PCDHGA1: variants seen among roughly 807,000 people sequenced by gnomAD.
PCDHGA1 encodes protocadherin gamma-A1.
In PCDHGA1, 32 loss-of-function variants were observed where a neutral mutation model predicts 58.0. That is an observed-to-expected ratio of 0.55 (90% CI 0.42 to 0.74). PCDHGA1 has a LOEUF of 0.74. Ranked by LOEUF, PCDHGA1 falls within the 30% of genes least tolerant of loss-of-function variation. The pLI is 0.00. For missense variants in PCDHGA1, 1,205 were observed against 1,182.3 expected (o/e 1.02, Z -0.28); for synonymous variants, 498 against 501.1 (o/e 0.99, Z 0.08).
At position 141,487,610 on chromosome 5, in the gene PCDHGA1, C is replaced by A; in HGVS notation, c.2422-7197C>A. On this transcript the variant is annotated intron_variant, in intron 1 of 3. Transcript: ENST00000517417. The surrounding 1 kb of genome is among the most constrained non-coding windows in gnomAD (Gnocchi z 5.0). ...CCCACCCTCTGATCTTCTCTATGGG[C>A]TAGAGGTGAGACCTTTGCAGGCTCA... The A allele has an allele frequency of 6.2e-7, 1 of 1,614,190 alleles. No homozygotes were observed. The highest frequency in any genetic ancestry group is 1.1e-5 in the South Asian group (1 of 91,078).
At chr5:141,359,553 C>G (rs954176104) in intron 1 of PCDHGA1, among the ~76,000 whole-genome samples, 1 of 150,936 alleles carries the variant, frequency 6.6e-6, no homozygotes, top group Non-Finnish European at 1.5e-5. Flanking sequence ...TAGGAAAGCT[C>G]TCTATGTACT....
At position 141,511,032 on chromosome 5, in the gene PCDHGA1, G is replaced by T. The variant is rs779589499; in HGVS notation, c.2655G>T (p.Gln885His). 6.2e-7 allele frequency: 1 copy of T among 1,614,228 alleles called. No individual in the cohort carries two copies. Among genetic ancestry groups the T allele is most frequent in the South Asian group, 1.1e-5 (1 of 91,090 alleles). ...GCTACGGACCCCAGTTCACCCTGCAGCACGTGCCCGACTACCGCCAGAATG... is the reference window on the plus strand; with the variant it reads ...GCTACGGACCCCAGTTCACCCTGCATCACGTGCCCGACTACCGCCAGAATG... ...SARYGPQFTLQHVPDYRQNVY... is the reference protein window; with the variant it reads ...SARYGPQFTLHHVPDYRQNVY... Residue 885 changes from glutamine (Q) to histidine (H), a missense_variant, in exon 4 of 4, where the codon CAG (glutamine) becomes CAT (histidine). Gln to His is a conservative substitution (Grantham distance 24, BLOSUM62 0). Coordinates refer to ENST00000517417, the MANE Select transcript of PCDHGA1 (RefSeq NM_018912.3).
intron 1 of PCDHGA1, chr5:141,392,784 A>G: frequency 6.5e-7 from 1 of 1,546,632 alleles, no homozygotes. Context: ...CACAGTGAAG[A>G]TTCTGAGAGG....
At chr5:141,365,968 G>A (rs1764235643) in intron 1 of PCDHGA1, 10 of 1,614,258 alleles carry the variant, frequency 6.2e-6, no homozygotes, top group African/African-American at 1.3e-5. Context: ...GCAGCAACGT[G>A]TCGCTGAGCC....
chr5:141,477,775 G>T lies in PCDHGA1; in HGVS notation c.2422-17032G>T. 2 of 1,614,046 alleles carry T rather than the reference G, an allele frequency of 1.2e-6. No individual in the cohort carries two copies. The highest frequency in any genetic ancestry group is 2.7e-5 in the African/African-American group (2 of 75,052). On this transcript the variant is annotated intron_variant, in intron 1 of 3. Transcript: ENST00000517417. The surrounding 1 kb of genome is among the most constrained non-coding windows in gnomAD (Gnocchi z 4.9). ...CGGTCCTAGCCACCAACATCAGCGT[G>T]AACATATTTGTCACTGATCGCAATG...
chr5:141,339,707 G>C (rs894686520), intron 1 of PCDHGA1: 2 of 1,614,142 alleles, frequency 1.2e-6, no homozygotes, highest in Non-Finnish European at 8.5e-7. Flanking sequence ...TACACAGCCC[G>C]AGTACCGCAT....
intron 1 of PCDHGA1, chr5:141,376,210 C>G (rs112869528): frequency 6.2e-7 from 1 of 1,614,162 alleles, no homozygotes; most frequent in Non-Finnish European, 8.5e-7. Context: ...CCTTCGTCAT[C>G]GTGCTGCTGG....
At chr5:141,419,527 C>T (rs755936657) in intron 1 of PCDHGA1, 4 of 1,612,064 alleles carry the variant, frequency 2.5e-6, no homozygotes, top group Non-Finnish European at 2.5e-6. Context: ...GCGACCGTAA[C>T]GACAACGCAC....
intron 1 of PCDHGA1, chr5:141,393,482 T>G (rs116240246): frequency 4.3e-6 from 7 of 1,614,070 alleles, no homozygotes; most frequent in Middle Eastern, 1.6e-4. Context: ...CGCCTCGCTC[T>G]AGCACAGTGC....
chr5:141,388,432 A>C (rs760022375), intron 1 of PCDHGA1: 1 of 1,613,760 alleles, frequency 6.2e-7, no homozygotes, highest in South Asian at 1.1e-5. Context: ...CTGATAAATA[A>C]AGAGAAATCA....
intron 2 of PCDHGA1, among the ~76,000 whole-genome samples, chr5:141,499,352 CA>C (rs2099791418): frequency 6.6e-6 from 1 of 152,058 alleles, no homozygotes; most frequent in South Asian, 2.1e-4. Context: ...AGTCATTCAA[CA>C]AACAAATAGC....
intron 1 of PCDHGA1, among the ~76,000 whole-genome samples, chr5:141,335,970 G>A (rs1218715523): frequency 6.6e-6 from 1 of 152,028 alleles, no homozygotes; most frequent in East Asian, 1.9e-4. Flanking sequence ...TAAGTTTATA[G>A]ACAAATGCAA....
At chr5:141,340,143 C>G (rs773118511) in intron 1 of PCDHGA1, 1 of 1,614,198 alleles carries the variant, frequency 6.2e-7, no homozygotes, top group Non-Finnish European at 8.5e-7. Flanking sequence ...GAGGATCTTC[C>G]TTTTAAGTTA....
At chr5:141,361,809 T>G (rs755899945) in intron 1 of PCDHGA1, 1 of 1,612,970 alleles carries the variant, frequency 6.2e-7, no homozygotes, top group Non-Finnish European at 8.5e-7. Context: ...TCAATGACAA[T>G]GCGCCACGGG....
At chr5:141,346,657 A>G (rs1757788740) in intron 1 of PCDHGA1, 2 of 746,560 alleles carry the variant, frequency 2.7e-6, no homozygotes, top group African/African-American at 1.8e-5. Context: ...GCTTAGGGAA[A>G]AAATAATACA....
chr5:141,500,277 C>T (rs1595660442), intron 2 of PCDHGA1, among the ~76,000 whole-genome samples: 1 of 151,718 alleles, frequency 6.6e-6, no homozygotes, highest in Non-Finnish European at 1.5e-5. Context: ...GGCGCAATCT[C>T]GGCTCACTGC....
rs537755017 is a variant in PCDHGA1 at position 141,491,797 on chromosome 5, G to A, written c.2422-3010G>A. 16 of 1,506,818 alleles carry A rather than the reference G, an allele frequency of 1.1e-5. No individual in the cohort carries two copies. In the Admixed American group the frequency reaches 2.2e-4, roughly 20 times the overall value. The allele number at this position is 1,506,818 out of a possible 1,614,324, so 93.3% of individuals were successfully genotyped here. A position where few individuals can be genotyped will look rare whatever the true frequency, so the allele number is the denominator to read the frequency against. ...ATTGAACTTGCATCCACTCCTCTCC[G>A]GCCGGCTTGGTCGCTGGCTGCGCTC... On this transcript the variant is annotated intron_variant, in intron 1 of 3. Transcript: ENST00000517417. The surrounding 1 kb of genome is among the most constrained non-coding windows in gnomAD (Gnocchi z 6.9).
chr5:141,437,881 G>A (rs1317504695), intron 1 of PCDHGA1, among the ~76,000 whole-genome samples: 4 of 152,026 alleles, frequency 2.6e-5, no homozygotes, highest in Admixed American at 2.6e-4. Flanking sequence ...GGGACTACAG[G>A]CACACGCCAC....
intron 1 of PCDHGA1, among the ~76,000 whole-genome samples, chr5:141,458,512 TG>T (rs995261761): frequency 1.3e-5 from 2 of 150,194 alleles, no homozygotes; most frequent in East Asian, 1.9e-4. Flanking sequence ...TTTGACACTT[TG>T]TTTTTTTTTT....
Sources: gnomAD v4.1 joint callset for allele counts (sites outside exome capture counted in the v4.1 genomes callset) on GRCh38, gnomAD v4.1.1 for gene constraint, Gnocchi (gnomAD v3.1) non-coding constraint, MANE v1.5 for transcripts, NCBI Gene and HGNC (gene_info 2026-07-23, HGNC 2026-07-21) for gene names.